Variants in NFATC3 observed in about 807,000 individuals in gnomAD.
NFATC3 encodes nuclear factor of activated T-cells, cytoplasmic 3.
In NFATC3, 46 loss-of-function variants were observed where a neutral mutation model predicts 98.6. The observed-to-expected ratio is 0.47, with a 90% CI of 0.37 to 0.60. NFATC3 has a LOEUF of 0.60. NFATC3 is among the 20% of genes least tolerant of loss of function. The pLI is 0.00. For synonymous variants in NFATC3, 512 were observed against 472.2 expected (o/e 1.08, Z -1.09); for missense variants, 1,256 against 1,295.5 (o/e 0.97, Z 0.47).
chr16:68,146,476 A>G (rs990425158), intron 3 of NFATC3, among the ~76,000 whole-genome samples: 3 of 152,282 alleles, frequency 2.0e-5, no homozygotes, highest in African/African-American at 4.8e-5. Context: ...ATTAAGGTAT[A>G]CATATTTTGA....
At chr16:68,190,354 A>G (rs1227386716) in intron 8 of NFATC3, among the ~76,000 whole-genome samples, 1 of 152,232 alleles carries the variant, frequency 6.6e-6, no homozygotes, top group Admixed American at 6.5e-5. Context: ...CCAAGTCAAT[A>G]CTTAATTAGG....
intron 6 of NFATC3, among the ~76,000 whole-genome samples, chr16:68,180,610 C>T (rs919196830): frequency 2.6e-5 from 4 of 152,014 alleles, no homozygotes; most frequent in East Asian, 1.9e-4. Context: ...ATTAACTTGT[C>T]GTTTACATTA....
At chr16:68,183,139 T>C in intron 7 of NFATC3, 101 bp from the exon 8 acceptor site, 1 of 1,221,988 alleles carries the variant, frequency 8.2e-7, no homozygotes, top group East Asian at 2.5e-5. Context: ...TAATTATCTA[T>C]GCTGGAGCCT....
chr16:68,111,786 C>T (rs2035958445), intron 1 of NFATC3, among the ~76,000 whole-genome samples: 1 of 152,144 alleles, frequency 6.6e-6, no homozygotes, highest in Non-Finnish European at 1.5e-5. Context: ...ATATTTAGTG[C>T]TTCCTTCAGG....
intron 9 of NFATC3, chr16:68,217,581 G>T (rs186975474): frequency 1.8e-6 from 2 of 1,112,176 alleles, no homozygotes; most frequent in Non-Finnish European, 2.2e-6. Context: ...TTTTATTTTT[G>T]TTAATAGTAT....
In NFATC3 at chr16:68,085,783, A is replaced by T; in HGVS notation, c.102A>T (p.Ala34=). ...CGCCGCCCCCGGGCTCGCGGCCTGC[A>T]GGTGGGTGCCGGGCCAGGCGGGACC... is the stretch of plus-strand genomic sequence containing the variant. ...PAPPPPGSRP[A]DLEPDDCASI... The change falls in exon 1 of 10, where the codon GCA becomes GCT. Residue 34 remains alanine, a splice_region_variant and synonymous_variant. Transcript: ENST00000346183. 2 of 1,476,542 alleles carry T rather than the reference A, an allele frequency of 1.4e-6. No homozygotes were observed. The highest frequency in any genetic ancestry group is 1.8e-6 in the Non-Finnish European group (2 of 1,120,626). 91.5% of individuals were successfully genotyped at this position (1,476,542 alleles called of 1,614,324 possible). A position where few individuals can be genotyped will look rare whatever the true frequency, so the allele number is the denominator to read the frequency against.
chr16:68,183,135 T>C lies in NFATC3; in HGVS notation c.1972-105T>C, dbSNP rs1018343344. The stretch of plus-strand genomic sequence containing the variant: ...TATGACTAGCTGATGTGCATAATTA[T>C]CTATGCTGGAGCCTTGTAGTTAAGA... On this transcript the variant is annotated intron_variant, in intron 7 of 9. Transcript: ENST00000346183. 17 of 1,148,048 alleles carry C rather than the reference T, an allele frequency of 1.5e-5. No homozygotes were observed. The East Asian group carries it at 3.1e-4, about 21-fold the overall frequency. 71.1% of individuals were successfully genotyped at this position (1,148,048 alleles called of 1,614,324 possible).
At chr16:68,101,489 T>G (rs1057092349) in intron 1 of NFATC3, among the ~76,000 whole-genome samples, 2 of 151,216 alleles carry the variant, frequency 1.3e-5, no homozygotes, top group African/African-American at 4.8e-5. Context: ...TTTTTTTTTT[T>G]GTTTTTTTTT....
At position 68,090,322 on chromosome 16, in the gene NFATC3, A is replaced by AACAC. The variant is rs60304758; in HGVS notation, c.103+4553_103+4556dup. On this transcript the variant is annotated intron_variant, in intron 1 of 9. Coordinates refer to ENST00000346183, the MANE Select transcript of NFATC3 (RefSeq NM_173165.3). ...CCCCCCCCCCCAACATTTCTTTAAA[A>AACAC]ACACACACACACACACACGCACACA... 8.9e-3 allele frequency among the ~76,000 whole-genome samples: 1,116 copies of AACAC among 125,876 alleles called. 16 individuals carry two copies. Among genetic ancestry groups the AACAC allele is most frequent in the African/African-American group, 0.031 (1,039 of 33,176 alleles). 82.6% of individuals were successfully genotyped at this position (125,876 alleles called of 152,430 possible). A position where few individuals can be genotyped will look rare whatever the true frequency, so the allele number is the denominator to read the frequency against.
At chr16:68,202,666 G>A (rs1277472345) in intron 9 of NFATC3, among the ~76,000 whole-genome samples, 1 of 152,080 alleles carries the variant, frequency 6.6e-6, no homozygotes, top group Non-Finnish European at 1.5e-5. Context: ...ACAAAAATTA[G>A]CTGGGCGTGG....
At chr16:68,144,665 T>A (rs904933941) in intron 3 of NFATC3, among the ~76,000 whole-genome samples, 2 of 151,992 alleles carry the variant, frequency 1.3e-5, no homozygotes, top group Non-Finnish European at 2.9e-5. Context: ...TTTTTTATTT[T>A]TTTTATTTTT....
At chr16:68,128,818 A>G (rs780452924) in intron 3 of NFATC3, among the ~76,000 whole-genome samples, 7 of 150,790 alleles carry the variant, frequency 4.6e-5, no homozygotes, top group Non-Finnish European at 1.0e-4. Flanking sequence ...TGTCTCTTTA[A>G]AAAACAAAAG....
At chr16:68,142,554 T>TA (rs1419762515) in intron 3 of NFATC3, among the ~76,000 whole-genome samples, 5 of 152,018 alleles carry the variant, frequency 3.3e-5, no homozygotes, top group Non-Finnish European at 5.9e-5. Context: ...CGGGAGGAGT[T>TA]AGAGACCAGC....
At chr16:68,113,752 G>T (rs2036110725) in intron 1 of NFATC3, among the ~76,000 whole-genome samples, 1 of 152,204 alleles carries the variant, frequency 6.6e-6, no homozygotes, top group African/African-American at 2.4e-5. Flanking sequence ...TCAGAGTTCT[G>T]TCCATAAACT....
intron 9 of NFATC3, among the ~76,000 whole-genome samples, chr16:68,215,898 T>G (rs1166726903): frequency 1.3e-4 from 20 of 151,970 alleles, no homozygotes; most frequent in Middle Eastern, 3.4e-3. Flanking sequence ...CCGGCTAATT[T>G]TTTGTATTTT....
chr16:68,126,084 A>G (rs2036822172), intron 2 of NFATC3, among the ~76,000 whole-genome samples: 2 of 152,024 alleles, frequency 1.3e-5, no homozygotes, highest in South Asian at 4.1e-4. Flanking sequence ...GGGTTTCACC[A>G]TGCTAGCAAG....
At chr16:68,130,656 A>C (rs1190612909) in intron 3 of NFATC3, among the ~76,000 whole-genome samples, 2 of 151,968 alleles carry the variant, frequency 1.3e-5, no homozygotes, top group Non-Finnish European at 2.9e-5. Context: ...TAGTTGATAG[A>C]GTTCTATTTC....
chr16:68,200,807 G>A (rs1327030622), intron 9 of NFATC3: 1 of 152,100 alleles, frequency 6.6e-6, no homozygotes, highest in Admixed American at 6.6e-5. Flanking sequence ...CAATTCGTAT[G>A]CCTGGAAATG....
intron 1 of NFATC3, among the ~76,000 whole-genome samples, chr16:68,098,293 TA>T (rs1328934887): frequency 5.7e-4 from 70 of 123,574 alleles, no homozygotes; most frequent in Admixed American, 9.7e-4. Flanking sequence ...TTATTATTAT[TA>T]TTATTATTTT....
Sources: allele counts gnomAD v4.1 joint callset (sites outside exome capture counted in the v4.1 genomes callset), GRCh38; gene constraint gnomAD v4.1.1; transcripts MANE v1.5; gene names NCBI Gene and HGNC (gene_info 2026-07-23, HGNC 2026-07-21).